The following LRRIQ1 variants were observed in gnomAD, a reference collection of about 807,000 sequenced individuals.
LRRIQ1 encodes leucine rich repeats and IQ motif containing 1, also known as leucine-rich repeat- and IQ domain-containing protein 1.
In LRRIQ1, 210 loss-of-function variants were observed where a neutral mutation model predicts 211.9. That is an observed-to-expected ratio of 0.99 (90% confidence interval 0.89 to 1.11). The LOEUF (loss-of-function observed/expected upper bound fraction) is 1.11, where lower values mean the gene tolerates loss of function less well. LRRIQ1 is among the 50% of genes most tolerant of loss of function. LRRIQ1 has a pLI of 0.00. For synonymous variants in LRRIQ1, 699 were observed against 650.1 expected (o/e 1.08, Z -1.14); for missense variants, 2,136 against 1,939.5 (o/e 1.10, Z -1.90).
In LRRIQ1 at chr12:85,085,225, G is replaced by C. The variant is rs190415796; in HGVS notation, c.2887+12127G>C. Among the ~76,000 whole-genome samples, 24 of 152,132 alleles carry C rather than the reference G, an allele frequency of 1.6e-4. No individual in the cohort carries two copies. The East Asian group carries it at 4.1e-3, about 26-fold the overall frequency. On this transcript the variant is annotated intron_variant, in intron 11 of 26. Coordinates refer to ENST00000393217, the MANE Select transcript of LRRIQ1 (RefSeq NM_001079910.2). Reference sequence around the variant, plus strand: ...TAAAGGGAAGAGGTTTAATTGATTCGCAGTTCCGCACAGCTGGAACAGTTC... The same window carrying C: ...TAAAGGGAAGAGGTTTAATTGATTCCCAGTTCCGCACAGCTGGAACAGTTC...
At chr12:85,248,459 A>C (rs576084506), downstream of LRRIQ1, among the ~76,000 whole-genome samples, 1 of 151,762 alleles carries the variant, frequency 6.6e-6, no homozygotes, top group South Asian at 2.1e-4. Flanking sequence ...TTGAATGCTC[A>C]CTGCTCCCTG....
At chr12:85,151,753 A>G (rs1406934204) in intron 19 of LRRIQ1, among the ~76,000 whole-genome samples, 2 of 151,692 alleles carry the variant, frequency 1.3e-5, no homozygotes, top group African/African-American at 4.8e-5. Context: ...ATTAGAGAAT[A>G]TAAATCAGGG....
At chr12:85,252,300 C>G (rs1421675551) in intron 1 of LRRIQ1, among the ~76,000 whole-genome samples, 9 of 151,586 alleles carry the variant, frequency 5.9e-5, no homozygotes, top group African/African-American at 2.2e-4. Flanking sequence ...AAAGTCAGTC[C>G]CTATCTCATA....
intron 19 of LRRIQ1, among the ~76,000 whole-genome samples, chr12:85,147,023 C>T (rs1889937861): frequency 6.6e-6 from 1 of 151,820 alleles, no homozygotes; most frequent in African/African-American, 2.4e-5. Flanking sequence ...GATAAAATTG[C>T]TTTATATAGA....
intron 24 of LRRIQ1, among the ~76,000 whole-genome samples, chr12:85,199,508 G>T (rs982737698): frequency 5.9e-5 from 9 of 152,054 alleles, no homozygotes; most frequent in Non-Finnish European, 1.3e-4. Context: ...GGTTACTGTG[G>T]CCTTATAGTA....
At chr12:85,067,624 G>A (rs1882582576) in intron 10 of LRRIQ1, among the ~76,000 whole-genome samples, 2 of 150,916 alleles carry the variant, frequency 1.3e-5, no homozygotes, top group South Asian at 4.2e-4. Flanking sequence ...CAACAGATTT[G>A]CCCACCTCAG....
intron 15 of LRRIQ1, among the ~76,000 whole-genome samples, chr12:85,110,833 T>G (rs1442198596): frequency 2.0e-5 from 3 of 152,082 alleles, no homozygotes; most frequent in Admixed American, 2.0e-4. Flanking sequence ...ATGGGTATAC[T>G]GGGAAATACC....
chr12:85,076,838 G>A lies in LRRIQ1; in HGVS notation c.2887+3740G>A, dbSNP rs184847947. Among the ~76,000 whole-genome samples, 748 of 151,536 alleles carry A rather than the reference G, an allele frequency of 4.9e-3. 3 individuals carry two copies. Among genetic ancestry groups the A allele is most frequent in the Middle Eastern group, 0.041 (12 of 294 alleles). ...CTAGCTTACTTGTTAGTTTTGAAGGGCAACACAATGCTTAGTGTAAAGCTG... is the reference window on the plus strand; with the variant it reads ...CTAGCTTACTTGTTAGTTTTGAAGGACAACACAATGCTTAGTGTAAAGCTG... On this transcript the variant is annotated intron_variant, in intron 11 of 26. Coordinates refer to ENST00000393217, the MANE Select transcript of LRRIQ1 (RefSeq NM_001079910.2).
intron 11 of LRRIQ1, among the ~76,000 whole-genome samples, chr12:85,076,837 G>A (rs1438789368): frequency 2.0e-5 from 3 of 151,498 alleles, no homozygotes. Flanking sequence ...AGTTTTGAAG[G>A]GCAACACAAT....
At position 85,083,839 on chromosome 12, in the gene LRRIQ1, A is replaced by C. The variant is rs111764355; in HGVS notation, c.2887+10741A>C. ...ATAATTGTGTCATCCAGATACAGCC[A>C]GTATGTATGAGCCTTCCAGATTGTT... On this transcript the variant is annotated intron_variant, in intron 11 of 26. Coordinates refer to ENST00000393217, the MANE Select transcript of LRRIQ1 (RefSeq NM_001079910.2). Among the ~76,000 whole-genome samples, 4 of 152,344 alleles carry C rather than the reference A, an allele frequency of 2.6e-5. 1 individual carries two copies. Among genetic ancestry groups the C allele is most frequent in the African/African-American group, 9.6e-5 (4 of 41,576 alleles).
intron 26 of LRRIQ1, among the ~76,000 whole-genome samples, chr12:85,238,303 A>G (rs2137238772): frequency 6.6e-6 from 1 of 152,166 alleles, no homozygotes; most frequent in South Asian, 2.1e-4. Flanking sequence ...TATGTTGTTG[A>G]CTTTCCGGAA....
chr12:85,267,324 T>G (rs1896441233), downstream of LRRIQ1, among the ~76,000 whole-genome samples: 1 of 152,152 alleles, frequency 6.6e-6, no homozygotes, highest in African/African-American at 2.4e-5. Flanking sequence ...CAGATACCTT[T>G]TATTTAATGG....
intron 21 of LRRIQ1, 109 bp downstream of exon 21, chr12:85,153,254 A>G (rs1890347787): frequency 2.7e-6 from 3 of 1,115,608 alleles, no homozygotes; most frequent in Non-Finnish European, 1.3e-6. Flanking sequence ...CTTGTTTAGG[A>G]AACAGAATAT....
chr12:85,252,237 T>G (rs1385149589), intron 1 of LRRIQ1, among the ~76,000 whole-genome samples: 1 of 151,934 alleles, frequency 6.6e-6, no homozygotes. Context: ...TAGTTGATTT[T>G]TAATGTCCCA....
At chr12:85,257,154 A>G (rs1896136522) in intron 1 of LRRIQ1, among the ~76,000 whole-genome samples, 1 of 121,428 alleles carries the variant, frequency 8.2e-6, no homozygotes, top group Non-Finnish European at 1.7e-5. Flanking sequence ...TTATATGATT[A>G]TATATAATTA....
intron 24 of LRRIQ1, among the ~76,000 whole-genome samples, chr12:85,219,111 T>C (rs1311823593): frequency 6.6e-6 from 1 of 152,128 alleles, no homozygotes; most frequent in Admixed American, 6.6e-5. Context: ...TACATGTTAA[T>C]GTATATATGA....
At chr12:85,067,311 T>G (rs1374927877) in intron 10 of LRRIQ1, among the ~76,000 whole-genome samples, 1 of 151,890 alleles carries the variant, frequency 6.6e-6, no homozygotes, top group African/African-American at 2.4e-5. Context: ...TGGACTTATC[T>G]TTCCTTCTTT....
rs1044108030 is a variant in LRRIQ1 at position 85,044,793 on chromosome 12, C to T, written c.320C>T (p.Ser107Leu). The change falls in exon 4 of 27, where the codon TCA (serine) becomes TTA (leucine). Residue 107 changes from serine (S) to leucine (L), a missense_variant. Physicochemically the swap from Ser to Leu is moderately radical, Grantham distance 145. Transcript: ENST00000393217. ...TGLSTEYEES[S>L]EQLIKILSEI... ...CTATCAACTGAATATGAAGAAAGTT[C>T]AGAGCAATTAATTAAGGTATATATT... 2.4e-5 allele frequency: 35 copies of T among 1,487,560 alleles called. No homozygotes were observed. Among genetic ancestry groups the T allele is most frequent in the Non-Finnish European group, 3.3e-5 (35 of 1,071,778 alleles). The allele number at this position is 1,487,560 out of a possible 1,614,324, so 92.1% of individuals were successfully genotyped here. A position where few individuals can be genotyped will look rare whatever the true frequency, so the allele number is the denominator to read the frequency against.
At chr12:85,269,375 G>A (rs2137358139), downstream of LRRIQ1, among the ~76,000 whole-genome samples, 1 of 152,060 alleles carries the variant, frequency 6.6e-6, no homozygotes, top group African/African-American at 2.4e-5. Context: ...ATGGTTAGGG[G>A]AAATGGTAAT....
Sources: allele counts gnomAD v4.1 joint callset (sites outside exome capture counted in the v4.1 genomes callset), GRCh38; gene constraint gnomAD v4.1.1; transcripts MANE v1.5; gene names NCBI Gene and HGNC (gene_info 2026-07-23, HGNC 2026-07-21).